RASAL2: variants seen among roughly 807,000 people sequenced by gnomAD.
The protein encoded by RASAL2 is RAS protein activator like 2, also known as ras GTPase-activating protein nGAP.
A neutral mutation model predicts 128.9 loss-of-function variants in RASAL2; 58 were observed. That is an observed-to-expected ratio of 0.45 (90% CI 0.36 to 0.56). The LOEUF (loss-of-function observed/expected upper bound fraction) is 0.56. Among genes scored for constraint, RASAL2 ranks in the 20% least tolerant of loss-of-function variants. The pLI, the probability that RASAL2 is intolerant of heterozygous loss-of-function variation, is 0.00. For synonymous variants in RASAL2, 561 were observed against 580.8 expected (o/e 0.97, Z 0.49); for missense variants, 1,360 against 1,601.6 (o/e 0.85, Z 2.57).
intron 3 of RASAL2, among the ~76,000 whole-genome samples, chr1:178,382,789 G>A (rs143188645): frequency 6.6e-6 from 1 of 152,230 alleles, no homozygotes; most frequent in Non-Finnish European, 1.5e-5. Context: ...ATGACAGTTT[G>A]ATGTTTGTAC....
At chr1:178,418,514 G>A (rs989937678) in intron 4 of RASAL2, among the ~76,000 whole-genome samples, 12 of 152,158 alleles carry the variant, frequency 7.9e-5, no homozygotes, top group African/African-American at 2.6e-4. Context: ...TATATACTAG[G>A]AGTTTTTACA....
At chr1:178,441,523 T>C in intron 6 of RASAL2, 26 bp from the exon 7 acceptor site, 1 of 1,565,122 alleles carries the variant, frequency 6.4e-7, no homozygotes, top group South Asian at 1.1e-5. Flanking sequence ...GTTTTCTTTT[T>C]CTTATGTCTA....
At chr1:178,413,287 T>C (rs529563481) in intron 4 of RASAL2, among the ~76,000 whole-genome samples, 1 of 152,236 alleles carries the variant, frequency 6.6e-6, no homozygotes, top group South Asian at 2.1e-4. Context: ...CAAGGTCTGC[T>C]CTCAGAAGAA....
intron 1 of RASAL2, among the ~76,000 whole-genome samples, chr1:178,145,609 A>G (rs1019683959): frequency 2.0e-5 from 3 of 152,170 alleles, no homozygotes; most frequent in African/African-American, 7.2e-5. Flanking sequence ...AGCATAAAAC[A>G]AAACTCAAAA....
chr1:178,374,513 C>T (rs962039444), intron 3 of RASAL2, among the ~76,000 whole-genome samples: 1 of 152,098 alleles, frequency 6.6e-6, no homozygotes, highest in African/African-American at 2.4e-5. Context: ...ACAGTAACCA[C>T]CTAACTGATG....
intron 1 of RASAL2, among the ~76,000 whole-genome samples, chr1:178,167,288 T>C (rs1661550410): frequency 6.6e-6 from 1 of 152,158 alleles, no homozygotes; most frequent in South Asian, 2.1e-4. Flanking sequence ...CAGAGAATTA[T>C]GATTTCTAAT....
intron 2 of RASAL2, among the ~76,000 whole-genome samples, chr1:178,299,672 A>G (rs986996610): frequency 3.3e-5 from 5 of 151,772 alleles, no homozygotes; most frequent in Non-Finnish European, 5.9e-5. Flanking sequence ...TAATTTTTGT[A>G]TTTTTGTAGA....
chr1:178,369,931 C>T (rs779705761), intron 3 of RASAL2, among the ~76,000 whole-genome samples: 5 of 152,060 alleles, frequency 3.3e-5, no homozygotes, highest in Non-Finnish European at 1.5e-5. Context: ...AAAGTACGGA[C>T]GTGAGAGCCA....
At chr1:178,400,397 T>G (rs1022421583) in intron 4 of RASAL2, among the ~76,000 whole-genome samples, 1 of 152,180 alleles carries the variant, frequency 6.6e-6, no homozygotes, top group South Asian at 2.1e-4. Flanking sequence ...TTCCAGTGTT[T>G]CGTTACCTCT....
rs1028967143 is a variant in RASAL2, at chr1:178,264,852, G to A, written c.203-18712G>A. Among the ~76,000 whole-genome samples, 6 of 152,110 alleles carry A rather than the reference G, an allele frequency of 3.9e-5. No individual in the cohort carries two copies. The East Asian group carries it at 5.8e-4, about 15-fold the overall frequency. ...AGCCTCATTTCTTCCATGGGGGTGT[G>A]GGTTACATCTGAAAGTTCCAACCCT... On this transcript the variant is annotated intron_variant, in intron 1 of 17. Transcript: ENST00000367649.
At chr1:178,220,521 A>G (rs1663578560) in intron 1 of RASAL2, among the ~76,000 whole-genome samples, 3 of 152,238 alleles carry the variant, frequency 2.0e-5, no homozygotes, top group Admixed American at 6.5e-5. Context: ...TACGGGTGAT[A>G]CAGAGATACA....
intron 1 of RASAL2, among the ~76,000 whole-genome samples, chr1:178,240,724 A>C (rs1664461253): frequency 1.3e-5 from 2 of 151,746 alleles, no homozygotes; most frequent in African/African-American, 4.8e-5. Context: ...TAGTTATTAA[A>C]ATAAAGTTAT....
intron 3 of RASAL2, among the ~76,000 whole-genome samples, chr1:178,385,931 A>G (rs1032035655): frequency 6.6e-6 from 1 of 152,128 alleles, no homozygotes; most frequent in African/African-American, 2.4e-5. Flanking sequence ...GCAACTACCT[A>G]TTGAAAATTA....
At chr1:178,398,484 T>A (rs1386968917) in intron 4 of RASAL2, among the ~76,000 whole-genome samples, 1 of 152,198 alleles carries the variant, frequency 6.6e-6, no homozygotes, top group African/African-American at 2.4e-5. Context: ...GTTTGTTTAG[T>A]GGGATAATGC....
chr1:178,414,442 TA>T (rs1450090767), intron 4 of RASAL2, among the ~76,000 whole-genome samples: 2 of 152,144 alleles, frequency 1.3e-5, no homozygotes, highest in African/African-American at 4.8e-5. Flanking sequence ...TAACAAACCC[TA>T]AAGTAAACTA....
chr1:178,327,099 G>C (rs1259797100), intron 3 of RASAL2, among the ~76,000 whole-genome samples: 2 of 151,944 alleles, frequency 1.3e-5, no homozygotes, highest in African/African-American at 4.8e-5. Context: ...TTTCTATTTT[G>C]AATGAAATTT....
chr1:178,396,277 A>G (rs1451290877), intron 4 of RASAL2, among the ~76,000 whole-genome samples: 1 of 152,142 alleles, frequency 6.6e-6, no homozygotes, highest in Non-Finnish European at 1.5e-5. Context: ...GAGAGAGAGG[A>G]TGAGATACAC....
At chr1:178,310,996 G>C (rs1052929948) in intron 3 of RASAL2, among the ~76,000 whole-genome samples, 8 of 152,102 alleles carry the variant, frequency 5.3e-5, no homozygotes, top group Non-Finnish European at 1.0e-4. Flanking sequence ...ACCCACACTA[G>C]AGGCTCCTCT....
At chr1:178,182,316 C>A (rs1662144235) in intron 1 of RASAL2, among the ~76,000 whole-genome samples, 1 of 152,060 alleles carries the variant, frequency 6.6e-6, no homozygotes, top group South Asian at 2.1e-4. Context: ...TGCTCCAGGC[C>A]CATCTTACAT....
Sources: gnomAD v4.1 joint callset for allele counts (sites outside exome capture counted in the v4.1 genomes callset) on GRCh38, gnomAD v4.1.1 for gene constraint, MANE v1.5 for transcripts, NCBI Gene and HGNC (gene_info 2026-07-23, HGNC 2026-07-21) for gene names.